The following LDHA variants were observed in gnomAD, a reference collection of about 807,000 sequenced individuals.
The protein encoded by LDHA is L-lactate dehydrogenase A chain.
Under a neutral mutation model 36.3 loss-of-function variants are expected in LDHA, and 10 were observed. The ratio of observed to expected loss-of-function variants is 0.28; its 90% CI spans 0.17 to 0.47. The LOEUF (loss-of-function observed/expected upper bound fraction) is 0.47, where lower values mean the gene tolerates loss of function less well. Ranked by LOEUF, LDHA falls within the 20% of genes least tolerant of loss-of-function variation. The pLI, the probability that LDHA is intolerant of heterozygous loss-of-function variation, is 0.99. For synonymous variants in LDHA, 110 were observed against 136.7 expected, an observed-to-expected ratio of 0.80 and a Z score of 1.36; for missense variants, 267 against 405.8, an observed-to-expected ratio of 0.66 and a Z score of 2.94.
intron 7 of LDHA, 27 bp from the exon 8 acceptor site, chr11:18,407,090 A>T (rs199590985): frequency 1.8e-5 from 26 of 1,453,170 alleles, no homozygotes; most frequent in Admixed American, 7.7e-5. Context: ...AAAATGTGAG[A>T]TTTTTTTTTT....
chr11:18,394,661 G>T (rs200461215), intron 1 of LDHA, 25 bp downstream of exon 1: 2 of 453,690 alleles, frequency 4.4e-6, no homozygotes, highest in African/African-American at 4.0e-5. Context: ...TGCGCGCACG[G>T]CGCCAGAGGG....
chr11:18,400,376 T>C, intron 3 of LDHA: 1 of 28,792 alleles, frequency 3.5e-5, no homozygotes, highest in Non-Finnish European at 1.0e-4. Flanking sequence ...CAAAATATGT[T>C]TGTTAAGTGT....
chr11:18,400,111 GTATT>G (rs1374222246), intron 3 of LDHA: 1 of 179,814 alleles, frequency 5.6e-6, no homozygotes, highest in Non-Finnish European at 1.2e-5. Flanking sequence ...CCTTAGGTCT[GTATT>G]TAACCACATT....
intron 4 of LDHA, among the ~76,000 whole-genome samples, chr11:18,401,624 C>CCCG (rs760993866): frequency 1.4e-4 from 21 of 150,976 alleles, no homozygotes; most frequent in Middle Eastern, 3.5e-3. Flanking sequence ...ACTACAGGTG[C>CCCG]CCACCACGAC....
At chr11:18,403,996 T>C (rs1866586886) in intron 6 of LDHA, among the ~76,000 whole-genome samples, 185 bp downstream of exon 6, 1 of 152,178 alleles carries the variant, frequency 6.6e-6, no homozygotes, top group African/African-American at 2.4e-5. Context: ...AGTGGCGCAA[T>C]CTTGGCTCAC....
rs1267663373 is a variant in LDHA at position 18,403,729 on chromosome 11, T to C, written c.628T>C (p.Ser210Pro). The change falls in exon 6 of 8, where the codon TCT (serine) becomes CCT (proline). Residue 210 changes from serine to proline, a missense_variant. Ser to Pro is a moderately conservative substitution (Grantham distance 74). Transcript: ENST00000422447. ...VWSGMNVAGVSLKTLHPDLGT... is the reference protein window; with the variant it reads ...VWSGMNVAGVPLKTLHPDLGT... ...GAGTGGAATGAATGTTGCTGGTGTC[T>C]CTCTGAAGACTCTGCACCCAGATTT... is the stretch of plus-strand genomic sequence containing the variant. 1.9e-6 allele frequency: 3 copies of C among 1,609,178 alleles called. No homozygotes were observed. Among genetic ancestry groups the C allele is most frequent in the Admixed American group, 1.7e-5 (1 of 59,994 alleles).
At chr11:18,399,245 T>C (rs1866397652) in intron 2 of LDHA, 186 bp from the exon 3 acceptor site, 5 of 578,510 alleles carry the variant, frequency 8.6e-6, no homozygotes, top group Admixed American at 2.7e-5. Flanking sequence ...GGGTCAGTGC[T>C]ATCTATGTAG....
At chr11:18,396,201 C>A (rs1206476902) in intron 1 of LDHA, 2 of 247,054 alleles carry the variant, frequency 8.1e-6, no homozygotes, top group Admixed American at 5.6e-5. Flanking sequence ...TAATCGGCTT[C>A]GCCCTGCGCG....
chr11:18,402,792 G>T, intron 4 of LDHA, 48 bp from the exon 5 acceptor site: 2 of 1,406,500 alleles, frequency 1.4e-6, no homozygotes, highest in South Asian at 1.2e-5. Context: ...TCTTTTTTGT[G>T]TGTAGGGAGA....
chr11:18,398,035 C>T (rs948416631), intron 2 of LDHA, among the ~76,000 whole-genome samples: 1 of 152,166 alleles, frequency 6.6e-6, no homozygotes, highest in Admixed American at 6.6e-5. Flanking sequence ...ATGCTGTTTT[C>T]CCCACACCTA....
At chr11:18,397,775 C>T (rs1172663723) in intron 2 of LDHA, among the ~76,000 whole-genome samples, 1 of 152,024 alleles carries the variant, frequency 6.6e-6, no homozygotes, top group African/African-American at 2.4e-5. Context: ...AGCACCACTC[C>T]ACTCCAGCCT....
At chr11:18,401,252 C>T (rs981571081) in intron 4 of LDHA, among the ~76,000 whole-genome samples, 9 of 150,292 alleles carry the variant, frequency 6.0e-5, no homozygotes, top group Admixed American at 2.0e-4. Flanking sequence ...TGGGTTCAAG[C>T]GATTCTTTTG....
rs754064594 is a variant in LDHA, at chr11:18,405,583, G to A, written c.834+11G>A. On this transcript the variant is annotated intron_variant, in intron 7 of 7. Transcript: ENST00000422447. ...TCCACCATGATTAAGGTAGGTCTAT[G>A]TAGTGATACGCTGCATTTGAATGCT... 1 of 1,613,512 alleles carries A rather than the reference G, an allele frequency of 6.2e-7. No individual in the cohort carries two copies. Among genetic ancestry groups the A allele is most frequent in the East Asian group, 2.2e-5 (1 of 44,828 alleles).
In LDHA at chr11:18,400,844, T is replaced by C; in HGVS notation, c.252T>C (p.Asn84=). The C allele has an allele frequency of 1.9e-6, 3 of 1,613,320 alleles. No individual in the cohort carries two copies. Among genetic ancestry groups the C allele is most frequent in the Non-Finnish European group, 1.7e-6 (2 of 1,179,468 alleles). Residue 84 remains asparagine (N), a synonymous_variant, in exon 4 of 8, where the codon AAT becomes AAC. Transcript: ENST00000422447. ...TATTCCCCTTTTCTCTAGACTATAA[T>C]GTAACTGCAAACTCCAAGCTGGTCA... ...TPKIVSGKDY[N]VTANSKLVII...
intron 2 of LDHA, among the ~76,000 whole-genome samples, chr11:18,397,672 G>A (rs889615060): frequency 1.3e-5 from 2 of 152,048 alleles, no homozygotes; most frequent in South Asian, 2.1e-4. Flanking sequence ...TTAGCCGGGC[G>A]TGGTGGCATA....
At chr11:18,401,914 G>T (rs1406791287) in intron 4 of LDHA, among the ~76,000 whole-genome samples, 1 of 144,634 alleles carries the variant, frequency 6.9e-6, no homozygotes, top group African/African-American at 2.5e-5. Flanking sequence ...ACCTGCCCAA[G>T]ATCTTGGATA....
chr11:18,405,540 A>G lies in LDHA; in HGVS notation c.802A>G (p.Arg268Gly). The G allele has an allele frequency of 6.2e-7, 1 of 1,614,024 alleles. No homozygotes were observed. The highest frequency in any genetic ancestry group is 8.5e-7 in the Non-Finnish European group (1 of 1,179,912). The change falls in exon 7 of 8, where the codon AGG becomes GGG. Residue 268 changes from arginine to glycine, a missense_variant. Arg to Gly is a moderately radical substitution (Grantham distance 125). Coordinates refer to ENST00000422447, the MANE Select transcript of LDHA (RefSeq NM_005566.4). ...GGCAGAGAGTATAATGAAGAATCTT[A>G]GGCGGGTGCACCCAGTTTCCACCAT... ...DLAESIMKNL[R>G]RVHPVSTMIK...
intron 2 of LDHA, among the ~76,000 whole-genome samples, chr11:18,398,221 A>G (rs986497558): frequency 1.3e-5 from 2 of 152,188 alleles, no homozygotes; most frequent in Admixed American, 1.3e-4. Context: ...TCCTGGCCTG[A>G]AATGGACCTA....
intron 3 of LDHA, chr11:18,399,874 T>G: frequency 3.2e-6 from 1 of 307,764 alleles, no homozygotes; most frequent in Non-Finnish European, 6.3e-6. Flanking sequence ...GGATTGCAGG[T>G]GTGAACCACT....
Sources: allele counts gnomAD v4.1 joint callset (sites outside exome capture counted in the v4.1 genomes callset), GRCh38; gene constraint gnomAD v4.1.1; transcripts MANE v1.5; gene names NCBI Gene and HGNC (gene_info 2026-07-23, HGNC 2026-07-21).